The following MAGI2 variants were observed in gnomAD, a reference collection of about 807,000 sequenced individuals.
MAGI2 encodes membrane-associated guanylate kinase, WW and PDZ domain-containing protein 2.
In MAGI2, 35 loss-of-function variants were observed where a neutral mutation model predicts 133.3. The ratio of observed to expected loss-of-function variants is 0.26; its 90% CI spans 0.20 to 0.35. The LOEUF is 0.35. Among genes scored for constraint, MAGI2 ranks in the 10% least tolerant of loss-of-function variants. The pLI is 1.00. For synonymous variants in MAGI2, 729 were observed against 710.6 expected (o/e 1.03, Z -0.41); for missense variants, 1,636 against 1,863.4 (o/e 0.88, Z 2.25).
chr7:78,807,903 G>C (rs754317455), intron 2 of MAGI2, among the ~76,000 whole-genome samples: 5 of 152,158 alleles, frequency 3.3e-5, no homozygotes, highest in Non-Finnish European at 7.3e-5. Context: ...AGGCTTAGAA[G>C]TAACTTATTG....
intron 2 of MAGI2, among the ~76,000 whole-genome samples, chr7:78,641,805 C>A (rs1213194783): frequency 1.3e-5 from 2 of 152,000 alleles, no homozygotes; most frequent in Non-Finnish European, 2.9e-5. Flanking sequence ...TCTCAAGAAG[C>A]AAGAGAGGAT....
chr7:78,760,977 T>C (rs888284991), intron 2 of MAGI2, among the ~76,000 whole-genome samples: 3 of 152,210 alleles, frequency 2.0e-5, no homozygotes, highest in South Asian at 2.1e-4. Flanking sequence ...TGCCAAGCTA[T>C]AGGAGATAAT....
At chr7:78,891,796 G>A (rs1796775677) in intron 2 of MAGI2, among the ~76,000 whole-genome samples, 1 of 152,144 alleles carries the variant, frequency 6.6e-6, no homozygotes, top group African/African-American at 2.4e-5. Flanking sequence ...AAAACTGGAA[G>A]CATTCCCTTT....
chr7:78,251,228 T>C (rs1792350717), intron 10 of MAGI2, among the ~76,000 whole-genome samples: 2 of 152,182 alleles, frequency 1.3e-5, no homozygotes, highest in African/African-American at 4.8e-5. Context: ...AGAAGACAAC[T>C]TTCTCAACCT....
chr7:79,228,241 G>A (rs1446526344), intron 1 of MAGI2, among the ~76,000 whole-genome samples: 1 of 150,978 alleles, frequency 6.6e-6, no homozygotes, highest in Non-Finnish European at 1.5e-5. Context: ...CTACTCAGGA[G>A]GCTGAGGTTG....
intron 5 of MAGI2, among the ~76,000 whole-genome samples, chr7:78,499,488 C>T (rs1298295245): frequency 1.3e-4 from 20 of 152,304 alleles, no homozygotes; most frequent in Admixed American, 1.2e-3. Flanking sequence ...GGCTGACTGA[C>T]GAGTCATAGA....
intron 2 of MAGI2, among the ~76,000 whole-genome samples, chr7:78,874,007 C>T (rs936094305): frequency 3.3e-5 from 5 of 152,190 alleles, no homozygotes; most frequent in South Asian, 2.1e-4. Context: ...TAGAGTTCCA[C>T]GAGGTGGCTG....
At chr7:79,206,044 C>T (rs1829025947) in intron 1 of MAGI2, among the ~76,000 whole-genome samples, 1 of 151,212 alleles carries the variant, frequency 6.6e-6, no homozygotes, top group South Asian at 2.1e-4. Flanking sequence ...AATGGAAACA[C>T]AACATACCAA....
At position 78,531,360 on chromosome 7, in the gene MAGI2, T is replaced by C. The variant is rs185991495; in HGVS notation, c.539-9715A>G. 2.8e-3 allele frequency among the ~76,000 whole-genome samples: 421 copies of C among 151,972 alleles called. 4 individuals are homozygous for C. The highest frequency in any genetic ancestry group is 9.6e-3 in the African/African-American group (400 of 41,464). On this transcript the variant is annotated intron_variant, in intron 3 of 21. Transcript: ENST00000354212. Reference sequence around the variant, plus strand: ...TCCCAAGTAGCTGGGGCTACAGGCATGCACCTCCACGTCGAATTAATTTTT... The same window carrying C: ...TCCCAAGTAGCTGGGGCTACAGGCACGCACCTCCACGTCGAATTAATTTTT...
intron 2 of MAGI2, among the ~76,000 whole-genome samples, chr7:78,914,250 T>C (rs1798621251): frequency 6.6e-6 from 1 of 152,104 alleles, no homozygotes; most frequent in Non-Finnish European, 1.5e-5. Flanking sequence ...TAATAACATA[T>C]GAACAAACAA....
chr7:78,284,450 CTTTTTTTTTT>C (rs34430968), intron 9 of MAGI2, among the ~76,000 whole-genome samples: 10 of 142,878 alleles, frequency 7.0e-5, no homozygotes, highest in Admixed American at 5.6e-4. Flanking sequence ...GTTTTCTTTT[CTTTTTTTTTT>C]TTTTTAAAAT....
rs1795624236 is a variant in MAGI2, at chr7:78,281,838, A to C, written c.1409-25257T>G. On this transcript the variant is annotated intron_variant, in intron 9 of 21. Coordinates refer to ENST00000354212, the MANE Select transcript of MAGI2 (RefSeq NM_012301.4). ...CAAAATACTCTATGGGACTATCCTA[A>C]TAACCTTATTTCATGGAAGAAATAA... is the stretch of plus-strand genomic sequence containing the variant. Among the ~76,000 whole-genome samples, 4 of 151,538 alleles carry C rather than the reference A, an allele frequency of 2.6e-5. No individual in the cohort carries two copies. In the South Asian group the frequency reaches 8.3e-4, roughly 32 times the overall value.
chr7:79,356,235 A>G (rs540885776), intron 1 of MAGI2, among the ~76,000 whole-genome samples: 37 of 152,316 alleles, frequency 2.4e-4, no homozygotes, highest in African/African-American at 8.2e-4. Context: ...TTATAGAGCC[A>G]GAACTTCAAA....
At chr7:79,259,704 C>T (rs1350585264) in intron 1 of MAGI2, among the ~76,000 whole-genome samples, 1 of 152,070 alleles carries the variant, frequency 6.6e-6, no homozygotes, top group African/African-American at 2.4e-5. Flanking sequence ...TTTTTCATTA[C>T]CAAATTGTTA....
chr7:79,121,929 G>A (rs10225547), intron 1 of MAGI2, among the ~76,000 whole-genome samples: 4 of 151,960 alleles, frequency 2.6e-5, no homozygotes, highest in Admixed American at 2.0e-4. Flanking sequence ...TTTCACATTC[G>A]ATAATATAAA....
At chr7:78,083,422 G>C (rs985546256) in intron 20 of MAGI2, among the ~76,000 whole-genome samples, 1 of 146,510 alleles carries the variant, frequency 6.8e-6, no homozygotes, top group Non-Finnish European at 1.5e-5. Context: ...GAGAGAGAGA[G>C]AGAGAGAGAC....
At chr7:78,246,537 A>G (rs1365868737) in intron 10 of MAGI2, among the ~76,000 whole-genome samples, 2 of 152,040 alleles carry the variant, frequency 1.3e-5, no homozygotes, top group Admixed American at 6.5e-5. Flanking sequence ...CCAGCCCCTT[A>G]GAGTCTGAGC....
chr7:78,066,077 A>G (rs1409958464), intron 21 of MAGI2, among the ~76,000 whole-genome samples: 2 of 152,230 alleles, frequency 1.3e-5, no homozygotes, highest in Non-Finnish European at 2.9e-5. Flanking sequence ...GATTATAAAA[A>G]TAAATACGTA....
At chr7:78,543,669 G>A (rs745686411) in intron 3 of MAGI2, among the ~76,000 whole-genome samples, 69 of 152,258 alleles carry the variant, frequency 4.5e-4, no homozygotes, top group African/African-American at 1.3e-3. Flanking sequence ...GTTACTTCAT[G>A]TCACTATGAC....
Sources: gnomAD v4.1 joint callset for allele counts (sites outside exome capture counted in the v4.1 genomes callset) on GRCh38, gnomAD v4.1.1 for gene constraint, MANE v1.5 for transcripts, NCBI Gene and HGNC (gene_info 2026-07-23, HGNC 2026-07-21) for gene names.